The following FBXO15 variants were observed in gnomAD, a reference collection of about 807,000 sequenced individuals.
FBXO15 encodes F-box protein 15.
FBXO15 carries 30 observed loss-of-function variants against 49.5 expected under a neutral mutation model. The ratio of observed to expected loss-of-function variants is 0.61; its 90% CI spans 0.45 to 0.82. The LOEUF is 0.82. FBXO15 is among the 40% of genes least tolerant of loss of function. FBXO15 has a pLI of 0.00. For synonymous variants in FBXO15, 250 were observed against 232.7 expected (o/e 1.07, Z -0.68); for missense variants, 591 against 631.5 (o/e 0.94, Z 0.69).
rs1914551859 is a variant in FBXO15 at position 74,123,361 on chromosome 18, A to G, written c.1138+7T>C. 6.3e-7 allele frequency: 1 copy of G among 1,594,742 alleles called. No individual in the cohort carries two copies. Among genetic ancestry groups the G allele is most frequent in the Non-Finnish European group, 8.5e-7 (1 of 1,175,188 alleles). ...TCATAATGAAATAAAAACTCAATCAATTTCACCTCTCTTGGTGAAGAGATT... is the reference window on the plus strand; with the variant it reads ...TCATAATGAAATAAAAACTCAATCAGTTTCACCTCTCTTGGTGAAGAGATT... On this transcript the variant is annotated splice_region_variant and intron_variant, in intron 8 of 9. Transcript: ENST00000419743.
At chr18:74,130,350 C>T in intron 4 of FBXO15, 66 bp downstream of exon 4, 1 of 1,585,784 alleles carries the variant, frequency 6.3e-7, no homozygotes, top group Non-Finnish European at 8.6e-7. Context: ...CTAAACTGCA[C>T]ATACGTCCTA....
At chr18:74,146,674 G>T (rs1979434227) in intron 1 of FBXO15, among the ~76,000 whole-genome samples, 1 of 152,092 alleles carries the variant, frequency 6.6e-6, no homozygotes, top group Non-Finnish European at 1.5e-5. Flanking sequence ...ATTCAATTAA[G>T]AACTATTATC....
Position 74,073,556 on chromosome 18 carries a change from C to G in FBXO15, c.1438G>C (p.Val480Leu), listed in dbSNP as rs745493678. 13 of 1,614,216 alleles carry G rather than the reference C, an allele frequency of 8.1e-6. No individual in the cohort carries two copies. The Admixed American group carries it at 2.0e-4, about 25-fold the overall frequency. The change falls in exon 10 of 10, where the codon GTG becomes CTG. Residue 480 changes from valine (V) to leucine (L), a missense_variant. Val to Leu is a conservative substitution (Grantham distance 32). Coordinates refer to ENST00000419743, the MANE Select transcript of FBXO15 (RefSeq NM_001142958.2). ...TATTCTTCGGTCTCTCTGATCCACA[C>G]CAGCTCCACGTGCACTCTTCCTTCC... Reference protein sequence around the residue: ...DAEGRVHVELVWIRETEEYLI... With the variant: ...DAEGRVHVELLWIRETEEYLI...
chr18:74,082,344 G>A (rs191008748), intron 8 of FBXO15, among the ~76,000 whole-genome samples: 3 of 152,348 alleles, frequency 2.0e-5, no homozygotes, highest in Non-Finnish European at 2.9e-5. Flanking sequence ...AAAGGTGGTC[G>A]CTGAAGGAGG....
intron 8 of FBXO15, among the ~76,000 whole-genome samples, chr18:74,119,523 T>C (rs1244361575): frequency 6.6e-6 from 1 of 151,422 alleles, no homozygotes; most frequent in Non-Finnish European, 1.5e-5. Flanking sequence ...AGGTGAGAAA[T>C]GGGGAGAGTG....
chr18:74,137,204 AC>A (rs143803386), intron 2 of FBXO15, among the ~76,000 whole-genome samples: 13,457 of 152,084 alleles, frequency 0.088, 826 homozygotes, highest in Admixed American at 0.2. Context: ...CCAAAATAAA[AC>A]CCCTCCCATT....
At chr18:74,099,123 C>G (rs1286301600) in intron 8 of FBXO15, 4 of 151,542 alleles carry the variant, frequency 2.6e-5, no homozygotes, top group Admixed American at 2.6e-4. Flanking sequence ...GACTCCATCT[C>G]AAAGAAAAAA....
intron 7 of FBXO15, 70 bp downstream of exon 7, chr18:74,124,419 G>T: frequency 8.0e-7 from 1 of 1,252,786 alleles, no homozygotes. Flanking sequence ...AGGATATTAA[G>T]ATGGCATCAA....
intron 5 of FBXO15, among the ~76,000 whole-genome samples, chr18:74,128,064 A>T (rs1388870820): frequency 1.3e-5 from 2 of 152,238 alleles, no homozygotes; most frequent in African/African-American, 4.8e-5. Context: ...ATGAAATTTC[A>T]AAGATTTATC....
chr18:74,097,044 G>A (rs753222386), intron 8 of FBXO15: 2 of 152,322 alleles, frequency 1.3e-5, no homozygotes, highest in African/African-American at 4.8e-5. Context: ...AGAGCCGAGT[G>A]AAATACTGGG....
intron 8 of FBXO15, among the ~76,000 whole-genome samples, chr18:74,119,633 G>T (rs1357386027): frequency 6.6e-6 from 1 of 152,112 alleles, no homozygotes; most frequent in East Asian, 1.9e-4. Context: ...GCTAAGATCT[G>T]GGGCAGTAAC....
chr18:74,082,122 G>A, intron 8 of FBXO15, 71 bp from the exon 9 acceptor site: 3 of 1,549,758 alleles, frequency 1.9e-6, no homozygotes, highest in Non-Finnish European at 2.6e-6. Context: ...CGTTCAGTCG[G>A]CGACTTTATA....
chr18:74,125,930 T>C, intron 6 of FBXO15, 45 bp downstream of exon 6: 1 of 1,605,512 alleles, frequency 6.2e-7, no homozygotes, highest in East Asian at 2.2e-5. Context: ...AATGTGGTAT[T>C]GTGATGGGGA....
intron 8 of FBXO15, among the ~76,000 whole-genome samples, chr18:74,117,765 A>G (rs1341280284): frequency 6.6e-6 from 1 of 152,156 alleles, no homozygotes; most frequent in East Asian, 1.9e-4. Flanking sequence ...AATTTTCCCT[A>G]TTATTATCGT....
intron 8 of FBXO15, among the ~76,000 whole-genome samples, chr18:74,084,503 G>A (rs1912649160): frequency 6.6e-6 from 1 of 152,232 alleles, no homozygotes; most frequent in Non-Finnish European, 1.5e-5. Context: ...AGTTTCACAA[G>A]AGAAGCCACA....
At chr18:74,117,695 T>C (rs17205555) in intron 8 of FBXO15, among the ~76,000 whole-genome samples, 28,649 of 152,158 alleles carry the variant, frequency 0.19, 3,507 homozygotes, top group Middle Eastern at 0.29. Context: ...TCAGGCGTGC[T>C]GTGAAAAGGA....
intron 2 of FBXO15, 46 bp from the exon 3 acceptor site, chr18:74,135,912 G>T (rs746235366): frequency 4.0e-6 from 6 of 1,482,822 alleles, no homozygotes; most frequent in Admixed American, 1.9e-5. Context: ...AGTGGACCAG[G>T]GCTTAATCTG....
chr18:74,073,998 G>A (rs970432394), intron 9 of FBXO15, among the ~76,000 whole-genome samples: 1 of 152,136 alleles, frequency 6.6e-6, no homozygotes, highest in African/African-American at 2.4e-5. Flanking sequence ...AGAGAAATGT[G>A]TCACAAATAT....
At chr18:74,115,753 T>G (rs62097022) in intron 8 of FBXO15, among the ~76,000 whole-genome samples, 13,318 of 152,312 alleles carry the variant, frequency 0.087, 820 homozygotes, top group Admixed American at 0.2. Context: ...ATGTATAATT[T>G]AAATAGCTAC....
Sources: allele counts gnomAD v4.1 joint callset (sites outside exome capture counted in the v4.1 genomes callset), GRCh38; gene constraint gnomAD v4.1.1; transcripts MANE v1.5; gene names NCBI Gene and HGNC (gene_info 2026-07-23, HGNC 2026-07-21).